SERPINB5: variants seen among roughly 807,000 people sequenced by gnomAD.
The protein encoded by SERPINB5 is serpin B5.
Under a neutral mutation model 32.2 loss-of-function variants are expected in SERPINB5, and 27 were observed. The observed-to-expected ratio is 0.84, with a 90% CI of 0.62 to 1.16. The LOEUF (loss-of-function observed/expected upper bound fraction) is 1.16, where lower values mean the gene tolerates loss of function less well. SERPINB5 is among the 50% of genes most tolerant of loss of function. SERPINB5 has a pLI of 0.00. For missense variants in SERPINB5, 388 were observed against 436.3 expected (o/e 0.89, Z 0.99); for synonymous variants, 154 against 157.4 (o/e 0.98, Z 0.16).
At chr18:63,489,513 C>G in intron 4 of SERPINB5, 49 bp downstream of exon 4, 2 of 1,006,896 alleles carry the variant, frequency 2.0e-6, no homozygotes, top group Non-Finnish European at 3.0e-6. Flanking sequence ...TAAACAGGGC[C>G]TTCCATCTCA....
chr18:63,501,648 A>G (rs913393222), intron 6 of SERPINB5, among the ~76,000 whole-genome samples: 1 of 152,184 alleles, frequency 6.6e-6, no homozygotes, highest in Non-Finnish European at 1.5e-5. Flanking sequence ...GAACTTGTTT[A>G]CGGTCCCACC....
chr18:63,497,044 G>T, intron 5 of SERPINB5: 1 of 563,720 alleles, frequency 1.8e-6, no homozygotes. Flanking sequence ...TGTTGTACTA[G>T]GGGTCTAATC....
At chr18:63,497,474 C>CCTG in intron 5 of SERPINB5, 1 of 526,176 alleles carries the variant, frequency 1.9e-6, no homozygotes, top group Non-Finnish European at 3.4e-6. Flanking sequence ...CTGTGCTAAG[C>CCTG]TTTACCATTG....
At chr18:63,503,268 G>T (rs1421798321) in intron 6 of SERPINB5, 62 bp from the exon 7 acceptor site, 2 of 1,509,086 alleles carry the variant, frequency 1.3e-6, no homozygotes, top group East Asian at 2.4e-5. Context: ...GTTTTCAATT[G>T]AGCCAGGTCT....
Position 63,494,931 on chromosome 18 carries a change from C to T in SERPINB5, c.567+1836C>T, listed in dbSNP as rs189898741. Among the ~76,000 whole-genome samples, 66 of 152,326 alleles carry T rather than the reference C, an allele frequency of 4.3e-4. 1 individual carries two copies. Among genetic ancestry groups the T allele is most frequent in the Middle Eastern group, 6.8e-3 (2 of 294 alleles). ...CAAATTTGCTGAATGAATGATCAGT[C>T]CCTAAGGGTCAGTTTGCTTAAACAA... On this transcript the variant is annotated intron_variant, in intron 5 of 6. Transcript: ENST00000382771.
chr18:63,486,781 T>C, intron 2 of SERPINB5, 165 bp from the exon 3 acceptor site: 1 of 636,086 alleles, frequency 1.6e-6, no homozygotes, highest in Non-Finnish European at 2.7e-6. Flanking sequence ...CAAAGACTCA[T>C]CCAGCCTGAA....
chr18:63,485,833 G>A (rs1397336144), intron 2 of SERPINB5: 1 of 152,940 alleles, frequency 6.5e-6, no homozygotes, highest in Non-Finnish European at 1.5e-5. Context: ...GCAATGCTGA[G>A]GCTATGTAAT....
intron 1 of SERPINB5, among the ~76,000 whole-genome samples, chr18:63,478,379 C>T (rs1399036273): frequency 6.6e-6 from 1 of 152,166 alleles, no homozygotes; most frequent in Non-Finnish European, 1.5e-5. Flanking sequence ...GCAGACGCCC[C>T]CCTGCCATGG....
chr18:63,478,262 G>T (rs1328440078), intron 1 of SERPINB5, among the ~76,000 whole-genome samples: 1 of 152,172 alleles, frequency 6.6e-6, no homozygotes, highest in Non-Finnish European at 1.5e-5. Context: ...CCATTCTGGT[G>T]TGGCTGAGTC....
At chr18:63,488,027 A>T (rs1472953027) in intron 3 of SERPINB5, among the ~76,000 whole-genome samples, 1 of 152,170 alleles carries the variant, frequency 6.6e-6, no homozygotes, top group Non-Finnish European at 1.5e-5. Flanking sequence ...TTAAAAAAAA[A>T]AACTGAGATG....
intron 2 of SERPINB5, 145 bp downstream of exon 2, chr18:63,484,741 C>CTTTTT (rs869236018): frequency 0.011 from 1,143 of 108,046 alleles, 117 homozygotes; most frequent in African/African-American, 0.034. Context: ...CTCTCTTAAT[C>CTTTTT]TTTTTTTTTT....
intron 2 of SERPINB5, chr18:63,486,168 A>G (rs947878451): frequency 6.6e-6 from 1 of 152,232 alleles, no homozygotes; most frequent in Admixed American, 6.5e-5. Context: ...CAACTCAGGA[A>G]AGCAGGTATT....
chr18:63,503,265 A>T lies in SERPINB5; in HGVS notation c.736-65A>T, dbSNP rs1485700158. ...CTTATCATAACACCTTATGTTTTCA[A>T]TTGAGCCAGGTCTTTTACAGTTGGA... On this transcript the variant is annotated intron_variant, in intron 6 of 6. Coordinates refer to ENST00000382771, the MANE Select transcript of SERPINB5 (RefSeq NM_002639.5). 3 of 1,503,810 alleles carry T rather than the reference A, an allele frequency of 2.0e-6. No individual in the cohort carries two copies. In the Admixed American group the frequency reaches 6.9e-5, roughly 34 times the overall value. 93.2% of individuals were successfully genotyped at this position (1,503,810 alleles called of 1,614,324 possible).
chr18:63,489,778 G>A (rs1917271996), intron 4 of SERPINB5, among the ~76,000 whole-genome samples: 2 of 152,200 alleles, frequency 1.3e-5, no homozygotes, highest in Admixed American at 1.3e-4. Context: ...GGCCAATCAT[G>A]AGGCCATTTT....
At chr18:63,477,510 C>G (rs938096943) in intron 1 of SERPINB5, among the ~76,000 whole-genome samples, 1 of 152,112 alleles carries the variant, frequency 6.6e-6, no homozygotes, top group Non-Finnish European at 1.5e-5. Context: ...CCCTGGCTGA[C>G]GTTGTAAGGC....
chr18:63,493,041 G>A lies in SERPINB5; in HGVS notation c.513G>A (p.Trp171Ter), dbSNP rs1909373140. Residue 171 changes from tryptophan to a stop codon, truncating the protein, a stop_gained, in exon 5 of 7, where the codon TGG becomes TGA. Coordinates refer to ENST00000382771, the MANE Select transcript of SERPINB5 (RefSeq NM_002639.5). LOFTEE classifies it high-confidence loss of function. The part of the protein sequence containing the change: ...VVNAAYFVGK[W>*]MKKFSESETK... ...ATGCTGCCTACTTTGTTGGCAAGTGGATGAAGAAATTTTCTGAATCAGAAA... is the reference window on the plus strand; with the variant it reads ...ATGCTGCCTACTTTGTTGGCAAGTGAATGAAGAAATTTTCTGAATCAGAAA... The A allele has an allele frequency of 1.2e-5, 20 of 1,614,192 alleles. No homozygotes were observed. The highest frequency in any genetic ancestry group is 1.5e-5 in the Non-Finnish European group (18 of 1,180,044).
At position 63,503,226 on chromosome 18, in the gene SERPINB5, G is replaced by T. The variant is rs530822992; in HGVS notation, c.736-104G>T. The T allele has an allele frequency of 2.8e-5, 36 of 1,295,586 alleles. No homozygotes were observed. In the Admixed American group the frequency reaches 5.7e-4, roughly 20 times the overall value. 80.3% of individuals were successfully genotyped at this position (1,295,586 alleles called of 1,614,324 possible). On this transcript the variant is annotated intron_variant, in intron 6 of 6. Coordinates refer to ENST00000382771, the MANE Select transcript of SERPINB5 (RefSeq NM_002639.5). ...CCATCTTTGATGTTCCACCCAGACT[G>T]CTTTGAAGCTGGGCTTATCATAACA...
chr18:63,479,395 C>T (rs531298137), intron 1 of SERPINB5, among the ~76,000 whole-genome samples: 8 of 152,286 alleles, frequency 5.3e-5, no homozygotes, highest in Non-Finnish European at 1.2e-4. Flanking sequence ...CAGTGACAAG[C>T]TATAAGTCTA....
At chr18:63,486,811 G>A (rs1022938091) in intron 2 of SERPINB5, 135 bp from the exon 3 acceptor site, 18 of 843,876 alleles carry the variant, frequency 2.1e-5, no homozygotes, top group Non-Finnish European at 3.0e-5. Flanking sequence ...TGCTGAGGTT[G>A]AGGAGCCTTA....
Sources: allele counts gnomAD v4.1 joint callset (sites outside exome capture counted in the v4.1 genomes callset), GRCh38; gene constraint gnomAD v4.1.1; transcripts MANE v1.5; gene names NCBI Gene and HGNC (gene_info 2026-07-23, HGNC 2026-07-21).